CNR1: variants seen among roughly 807,000 people sequenced by gnomAD.
CNR1 encodes cannabinoid receptor 1 (brain).
A neutral mutation model predicts 23.0 loss-of-function variants in CNR1; 10 were observed. That is an observed-to-expected ratio of 0.43 (90% CI 0.27 to 0.74). The LOEUF is 0.74. CNR1 is among the 30% of genes least tolerant of loss of function. The probability of loss-of-function intolerance (pLI) is 0.19; values close to 1 mark genes in which losing one functional copy is unlikely to be tolerated. For synonymous variants in CNR1, 271 were observed against 255.2 expected, an observed-to-expected ratio of 1.06 and a Z score of -0.59; for missense variants, 422 against 618.8, an observed-to-expected ratio of 0.68 and a Z score of 3.37.
intron 1 of CNR1, among the ~76,000 whole-genome samples, chr6:88,161,531 CAACT>C (rs1407147240): frequency 1.3e-5 from 2 of 152,260 alleles, no homozygotes; most frequent in Middle Eastern, 3.4e-3. Flanking sequence ...TATATACATG[CAACT>C]AACTGTCCTC....
intron 1 of CNR1, among the ~76,000 whole-genome samples, chr6:88,153,389 AT>A (rs1777632751): frequency 6.6e-6 from 1 of 152,176 alleles, no homozygotes; most frequent in Admixed American, 6.5e-5. Context: ...CTGTAGAAGT[AT>A]TGGAAGGACT....
chr6:88,165,421 A>G (rs1271423874), intron 1 of CNR1, among the ~76,000 whole-genome samples: 1 of 152,192 alleles, frequency 6.6e-6, no homozygotes, highest in African/African-American at 2.4e-5. Flanking sequence ...ACTATTTTAC[A>G]TTAGTCAGTT....
chr6:88,153,736 T>C (rs12196233), intron 1 of CNR1, among the ~76,000 whole-genome samples: 1,714 of 152,352 alleles, frequency 0.011, 16 homozygotes, highest in Non-Finnish European at 0.018. Flanking sequence ...TGTGCTAATG[T>C]ATTTCTCTAA....
chr6:88,162,268 A>G (rs1778148205), intron 1 of CNR1, among the ~76,000 whole-genome samples: 1 of 152,236 alleles, frequency 6.6e-6, no homozygotes, highest in African/African-American at 2.4e-5. Flanking sequence ...TCAAATGTAT[A>G]AAGGCAACAT....
At chr6:88,162,563 CA>C (rs1778161542) in intron 1 of CNR1, among the ~76,000 whole-genome samples, 1 of 152,136 alleles carries the variant, frequency 6.6e-6, no homozygotes, top group Non-Finnish European at 1.5e-5. Flanking sequence ...CCCAAGTCCC[CA>C]AAAGCAGCAT....
chr6:88,144,957 C>T lies in CNR1; in HGVS notation c.318G>A (p.Glu106=). 1.2e-6 allele frequency: 2 copies of T among 1,614,188 alleles called. No homozygotes were observed. The highest frequency in any genetic ancestry group is 4.5e-5 in the East Asian group (2 of 44,880). The change falls in exon 2 of 2, where the codon GAG becomes GAA. Residue 106 remains glutamate, a synonymous_variant. Coordinates refer to ENST00000369501, the MANE Select transcript of CNR1 (RefSeq NM_016083.6). This position sits in a 1 kb window ranked among gnomAD's most constrained non-coding sequence, Gnocchi z 7.8. ...GGCTGGGGTTCAGGACCATGAAACA[C>T]TCTATGTCCATGAAGTTCTCCCCAC... The part of the protein sequence containing the change: ...IQCGENFMDI[E]CFMVLNPSQQ...
At chr6:88,156,617 G>A (rs1777814822) in intron 1 of CNR1, among the ~76,000 whole-genome samples, 1 of 152,212 alleles carries the variant, frequency 6.6e-6, no homozygotes, top group South Asian at 2.1e-4. Flanking sequence ...GGGCATTGCT[G>A]AGCCATCCTG....
chr6:88,160,371 T>C (rs1778030576), intron 1 of CNR1, among the ~76,000 whole-genome samples: 1 of 151,920 alleles, frequency 6.6e-6, no homozygotes, highest in Non-Finnish European at 1.5e-5. Flanking sequence ...ATGAATTACC[T>C]AGTACAAACG....
At chr6:88,163,886 G>C (rs1778233782) in intron 1 of CNR1, among the ~76,000 whole-genome samples, 2 of 152,208 alleles carry the variant, frequency 1.3e-5, no homozygotes, top group Admixed American at 1.3e-4. Context: ...GCAAGACAGA[G>C]AGGAACATGG....
intron 1 of CNR1, among the ~76,000 whole-genome samples, chr6:88,148,597 T>C (rs1777339577): frequency 6.6e-6 from 1 of 152,194 alleles, no homozygotes; most frequent in Non-Finnish European, 1.5e-5. Flanking sequence ...GGATCTAGCC[T>C]GGAGAGCTGC....
chr6:88,150,927 T>C (rs1382450518), intron 1 of CNR1, among the ~76,000 whole-genome samples: 1 of 152,202 alleles, frequency 6.6e-6, no homozygotes, highest in African/African-American at 2.4e-5. Context: ...TTGTGAGTAG[T>C]CTTTCTAGTC....
intron 1 of CNR1, among the ~76,000 whole-genome samples, chr6:88,161,311 C>T (rs1252420947): frequency 1.3e-5 from 2 of 152,226 alleles, no homozygotes; most frequent in African/African-American, 4.8e-5. Context: ...TGCAATGACT[C>T]TGCCATGCCC....
rs561527716 is a variant in CNR1, at chr6:88,143,015, C to A, written c.*841G>T. On this transcript the variant is annotated 3_prime_UTR_variant, in exon 2 of 2. Transcript: ENST00000369501. Reference sequence around the variant, plus strand: ...AAAGACTAAAGAAAGTCAGAGATGTCGCTCAAAAAAAGTCAATATGCTTTC... The same window carrying A: ...AAAGACTAAAGAAAGTCAGAGATGTAGCTCAAAAAAAGTCAATATGCTTTC... 6.5e-6 allele frequency: 1 copy of A among 152,676 alleles called. No homozygotes were observed. Among genetic ancestry groups the A allele is most frequent in the East Asian group, 1.9e-4 (1 of 5,330 alleles). 9.5% of individuals were successfully genotyped at this position (152,676 alleles called of 1,614,324 possible). A position where few individuals can be genotyped will look rare whatever the true frequency, so the allele number is the denominator to read the frequency against.
At chr6:88,149,120 C>T (rs113221376) in intron 1 of CNR1, among the ~76,000 whole-genome samples, 22,931 of 152,122 alleles carry the variant, frequency 0.15, 2,226 homozygotes, top group African/African-American at 0.27. Flanking sequence ...AGTCTGCTAA[C>T]GCCAATCAAG....
intron 1 of CNR1, among the ~76,000 whole-genome samples, chr6:88,162,107 G>A (rs1209109491): frequency 1.3e-5 from 2 of 152,224 alleles, no homozygotes; most frequent in African/African-American, 2.4e-5. Flanking sequence ...GGACTGGCAC[G>A]GATTTCCACC....
rs1380951503 is a variant in CNR1 at position 88,165,911 on chromosome 6, T to A, written c.-172A>T. On this transcript the variant is annotated 5_prime_UTR_variant, in exon 1 of 2. Transcript: ENST00000369501. Reference sequence around the variant, plus strand: ...ATATCCCCCACTGACTACGGAGAGCTCTGCAGGGAGCCGAGGCCCCCGCCC... The same window carrying A: ...ATATCCCCCACTGACTACGGAGAGCACTGCAGGGAGCCGAGGCCCCCGCCC... 6.6e-6 allele frequency: 1 copy of A among 152,660 alleles called. No homozygotes were observed. The highest frequency in any genetic ancestry group is 2.4e-5 in the African/African-American group (1 of 41,458). The allele number at this position is 152,660 out of a possible 1,614,324, so 9.5% of individuals were successfully genotyped here. A position where few individuals can be genotyped will look rare whatever the true frequency, so the allele number is the denominator to read the frequency against.
upstream of CNR1, among the ~76,000 whole-genome samples, chr6:88,166,952 G>C (rs2127776506): frequency 6.6e-6 from 1 of 151,994 alleles, no homozygotes; most frequent in Admixed American, 6.5e-5. Flanking sequence ...CGCAGCCCCC[G>C]AGCCGTTCGC....
intron 1 of CNR1, among the ~76,000 whole-genome samples, chr6:88,148,116 T>C (rs970773668): frequency 2.6e-5 from 4 of 152,214 alleles, no homozygotes; most frequent in African/African-American, 9.6e-5. Flanking sequence ...TTTAGTTCCA[T>C]AAACACAGCA....
intron 1 of CNR1, among the ~76,000 whole-genome samples, chr6:88,160,406 A>T (rs1778032986): frequency 6.6e-6 from 1 of 152,010 alleles, no homozygotes; most frequent in African/African-American, 2.4e-5. Context: ...AATTTATTTA[A>T]AACAAACTTA....
Sources: allele counts gnomAD v4.1 joint callset (sites outside exome capture counted in the v4.1 genomes callset), GRCh38; gene constraint gnomAD v4.1.1; non-coding constraint Gnocchi (gnomAD v3.1); transcripts MANE v1.5; gene names NCBI Gene and HGNC (gene_info 2026-07-23, HGNC 2026-07-21).